Variants in GRM8 observed in about 807,000 individuals in gnomAD.
The protein encoded by GRM8 is metabotropic glutamate receptor 8.
A neutral mutation model predicts 87.2 loss-of-function variants in GRM8; 47 were observed. The ratio of observed to expected loss-of-function variants is 0.54; its 90% CI spans 0.43 to 0.69. The LOEUF is 0.69. Ranked by LOEUF, GRM8 falls within the 30% of genes least tolerant of loss-of-function variation. The pLI is 0.00. For synonymous variants in GRM8, 396 were observed against 404.5 expected, an observed-to-expected ratio of 0.98 and a Z score of 0.25; for missense variants, 1,019 against 1,139.2, an observed-to-expected ratio of 0.89 and a Z score of 1.52.
chr7:126,969,764 T>C (rs1475454671), intron 3 of GRM8, among the ~76,000 whole-genome samples: 3 of 152,172 alleles, frequency 2.0e-5, no homozygotes, highest in African/African-American at 7.2e-5. Flanking sequence ...CCAGGAGTCT[T>C]CATTTACTTT....
chr7:126,805,437 G>C (rs74879640), intron 6 of GRM8, among the ~76,000 whole-genome samples: 1 of 152,180 alleles, frequency 6.6e-6, no homozygotes, highest in African/African-American at 2.4e-5. Flanking sequence ...CCTTGCTGTA[G>C]CAAGCTGTGT....
At chr7:127,082,907 G>C (rs559579646) in intron 3 of GRM8, among the ~76,000 whole-genome samples, 13 of 152,326 alleles carry the variant, frequency 8.5e-5, no homozygotes, top group African/African-American at 2.6e-4. Flanking sequence ...GCAAGTGCCA[G>C]AGCGGGATCG....
chr7:127,159,694 T>C (rs1792973727), intron 2 of GRM8, among the ~76,000 whole-genome samples: 1 of 152,204 alleles, frequency 6.6e-6, no homozygotes, highest in African/African-American at 2.4e-5. Flanking sequence ...GCCACAGGCT[T>C]TTCTTCCCTA....
chr7:126,576,904 G>A (rs1309839878), intron 8 of GRM8, among the ~76,000 whole-genome samples: 1 of 152,154 alleles, frequency 6.6e-6, no homozygotes, highest in Admixed American at 6.5e-5. Context: ...CTAGGTCAGT[G>A]AGGTGGTCTT....
At position 127,242,754 on chromosome 7, in the gene GRM8, T is replaced by C. The variant is rs948875580; in HGVS notation, c.451A>G (p.Ile151Val). The C allele has an allele frequency of 7.4e-6, 12 of 1,614,100 alleles. No individual in the cohort carries two copies. Among genetic ancestry groups the C allele is most frequent in the East Asian group, 2.2e-5 (1 of 44,898 alleles). Residue 151 changes from isoleucine (I) to valine (V), a missense_variant, in exon 2 of 11, where the codon ATA becomes GTA. Ile to Val is a conservative substitution (Grantham distance 29, BLOSUM62 3). Coordinates refer to ENST00000339582, the MANE Select transcript of GRM8 (RefSeq NM_000845.3). ...FTKPDKISGV[I>V]GAAASSVSIM... ...GACACGGAGCTTGCTGCAGCACCTA[T>C]GACGCCAGAAATCTTGTCGGGCTTG... is the stretch of plus-strand genomic sequence containing the variant.
intron 3 of GRM8, among the ~76,000 whole-genome samples, chr7:127,092,288 T>G (rs1276933678): frequency 6.6e-6 from 1 of 152,076 alleles, no homozygotes; most frequent in Non-Finnish European, 1.5e-5. Flanking sequence ...CTTATCTAAG[T>G]CTGGATTTGT....
intron 6 of GRM8, among the ~76,000 whole-genome samples, chr7:126,899,098 G>A (rs1212120228): frequency 5.2e-5 from 2 of 38,586 alleles, no homozygotes; most frequent in African/African-American, 1.9e-4. Flanking sequence ...TATGTGACTG[G>A]TTAACAGTGT....
chr7:126,930,605 T>A (rs1281666679), intron 3 of GRM8, among the ~76,000 whole-genome samples: 2 of 152,178 alleles, frequency 1.3e-5, no homozygotes, highest in African/African-American at 4.8e-5. Context: ...CCTCTGATAA[T>A]CCAATTCCAT....
intron 8 of GRM8, among the ~76,000 whole-genome samples, chr7:126,596,040 C>T (rs992721558): frequency 2.0e-5 from 3 of 152,134 alleles, no homozygotes; most frequent in Admixed American, 6.5e-5. Context: ...ACAAGAATCG[C>T]TTGAACCCAG....
At chr7:126,712,514 A>G (rs1256145185) in intron 7 of GRM8, among the ~76,000 whole-genome samples, 1 of 152,220 alleles carries the variant, frequency 6.6e-6, no homozygotes, top group Non-Finnish European at 1.5e-5. Context: ...ACAAAAATGC[A>G]ATTTGTAAGA....
At chr7:126,537,552 G>A (rs1045528641) in intron 8 of GRM8, among the ~76,000 whole-genome samples, 13 of 152,216 alleles carry the variant, frequency 8.5e-5, no homozygotes, top group Admixed American at 2.0e-4. Context: ...CAAGGCAGGC[G>A]GATCACAAGG....
At chr7:127,200,022 G>T (rs1016527997) in intron 2 of GRM8, among the ~76,000 whole-genome samples, 2 of 152,112 alleles carry the variant, frequency 1.3e-5, no homozygotes, top group African/African-American at 4.8e-5. Context: ...GCTTTGGTAT[G>T]GACTAACCCA....
chr7:126,496,877 A>G (rs983123186), intron 9 of GRM8, among the ~76,000 whole-genome samples: 1 of 151,782 alleles, frequency 6.6e-6, no homozygotes, highest in African/African-American at 2.4e-5. Context: ...TCCCCCCCAC[A>G]GGTGAAATTT....
intron 6 of GRM8, among the ~76,000 whole-genome samples, chr7:126,804,410 T>C (rs774105073): frequency 6.6e-6 from 1 of 152,250 alleles, no homozygotes; most frequent in Non-Finnish European, 1.5e-5. Flanking sequence ...TTCCTTTGTT[T>C]ATTCTTCTGC....
At chr7:127,026,328 T>G (rs1023306951) in intron 3 of GRM8, among the ~76,000 whole-genome samples, 4 of 152,176 alleles carry the variant, frequency 2.6e-5, no homozygotes, top group Non-Finnish European at 5.9e-5. Context: ...TGTGTCTTTA[T>G]AGTAGAATGA....
At chr7:127,058,155 C>T (rs1478058234) in intron 3 of GRM8, 2 of 521,650 alleles carry the variant, frequency 3.8e-6, no homozygotes, top group Non-Finnish European at 7.9e-6. Context: ...AACACATCAT[C>T]GCATATTGAC....
intron 6 of GRM8, among the ~76,000 whole-genome samples, chr7:126,827,308 G>A (rs1213812826): frequency 1.3e-5 from 2 of 152,122 alleles, no homozygotes; most frequent in African/African-American, 4.8e-5. Flanking sequence ...ACCTTGGGCA[G>A]TATGGCCATT....
intron 3 of GRM8, among the ~76,000 whole-genome samples, chr7:126,970,057 C>T (rs1810261744): frequency 6.6e-6 from 1 of 152,054 alleles, no homozygotes; most frequent in African/African-American, 2.4e-5. Context: ...TTAAACCATG[C>T]TATAAAGACA....
chr7:126,877,006 C>A (rs535582895), intron 6 of GRM8, among the ~76,000 whole-genome samples: 3 of 151,606 alleles, frequency 2.0e-5, no homozygotes, highest in African/African-American at 2.4e-5. Flanking sequence ...CTGCAATATT[C>A]TTTTCACCTC....
Sources: gnomAD v4.1 joint callset for allele counts (sites outside exome capture counted in the v4.1 genomes callset) on GRCh38, gnomAD v4.1.1 for gene constraint, MANE v1.5 for transcripts, NCBI Gene and HGNC (gene_info 2026-07-23, HGNC 2026-07-21) for gene names.